The following PARD6G variants were observed in gnomAD, a reference collection of about 807,000 sequenced individuals.
PARD6G encodes par-6 family cell polarity regulator gamma.
PARD6G carries 7 observed loss-of-function variants against 10.7 expected under a neutral mutation model. That is an observed-to-expected ratio of 0.66 (90% CI 0.37 to 1.23). The LOEUF is 1.23. PARD6G is among the 50% of genes most tolerant of loss of function. The pLI is 0.02. For missense variants in PARD6G, 548 were observed against 571.8 expected, an observed-to-expected ratio of 0.96 and a Z score of 0.42; for synonymous variants, 287 against 269.4, an observed-to-expected ratio of 1.07 and a Z score of -0.64.
At chr18:80,185,875 C>T (rs1215678209) in intron 2 of PARD6G, among the ~76,000 whole-genome samples, 2 of 149,090 alleles carry the variant, frequency 1.3e-5, no homozygotes, top group East Asian at 2.0e-4. Flanking sequence ...CATATACTGT[C>T]ACATATGCTT....
chr18:80,243,370 G>A (rs1967509860), intron 1 of PARD6G, among the ~76,000 whole-genome samples: 1 of 152,260 alleles, frequency 6.6e-6, no homozygotes, highest in East Asian at 1.9e-4. Context: ...CCCAAATTCT[G>A]TAACACAAGA....
intron 1 of PARD6G, among the ~76,000 whole-genome samples, chr18:80,243,016 TA>T (rs1179845226): frequency 4.6e-5 from 7 of 152,172 alleles, no homozygotes; most frequent in African/African-American, 1.4e-4. Flanking sequence ...TCAAAGCCTG[TA>T]AAAGTACGTG....
At chr18:80,216,524 A>T (rs1308260612) in intron 1 of PARD6G, among the ~76,000 whole-genome samples, 1 of 152,158 alleles carries the variant, frequency 6.6e-6, no homozygotes, top group Non-Finnish European at 1.5e-5. Context: ...TAACCTATGG[A>T]ATTAAAAAGA....
At chr18:80,243,399 C>A (rs1519619) in intron 1 of PARD6G, among the ~76,000 whole-genome samples, 25,489 of 152,102 alleles carry the variant, frequency 0.17, 2,718 homozygotes, top group East Asian at 0.41. Context: ...ATCATACAGG[C>A]ACACAAAAGA....
rs1189166556 is a variant in PARD6G, at chr18:80,201,442, C to T, written c.295+1268G>A. 6.6e-6 allele frequency among the ~76,000 whole-genome samples: 1 copy of T among 152,162 alleles called. No individual in the cohort carries two copies. On this transcript the variant is annotated intron_variant, in intron 2 of 2. Coordinates refer to ENST00000353265, the MANE Select transcript of PARD6G (RefSeq NM_032510.4). This position sits in a 1 kb window ranked among gnomAD's most constrained non-coding sequence, Gnocchi z 5.9. ...TGCAGAGACAGCGAGGGTCCTTGCC[C>T]CCAGCAACCCCGAAGGACTGATGTG...
Position 80,247,285 on chromosome 18 carries a change from T to C in PARD6G, c.64A>G (p.Lys22Glu). The C allele has an allele frequency of 6.3e-7, 1 of 1,579,038 alleles. No homozygotes were observed. Among genetic ancestry groups the C allele is most frequent in the Admixed American group, 1.8e-5 (1 of 56,170 alleles). Residue 22 changes from lysine (K) to glutamate (E), a missense_variant, in exon 1 of 3, where the codon AAG (lysine) becomes GAG (glutamate). Physicochemically the swap from Lys to Glu is moderately conservative, Grantham distance 56. Transcript: ENST00000353265. The surrounding 1 kb of genome is among the most constrained non-coding windows in gnomAD (Gnocchi z 4.2). ...GCGGGCGGGGGGCTTACCTTGCTCT[T>C]GACTTCCACTGCGCTGCAATCGTAG... ...RFYDCSAVEV[K>E]SKFGAEFRRF...
In PARD6G at chr18:80,181,552, G is replaced by A. The variant is rs1167817549; in HGVS notation, c.296-20946C>T. On this transcript the variant is annotated intron_variant, in intron 2 of 2. Coordinates refer to ENST00000353265, the MANE Select transcript of PARD6G (RefSeq NM_032510.4). The surrounding 1 kb of genome is among the most constrained non-coding windows in gnomAD (Gnocchi z 7.9). Reference sequence around the variant, plus strand: ...CCTACATCTCTGCTTCCAAAGTCCGGTAGGTGTGCCCTTCCCCTAAACTCA... The same window carrying A: ...CCTACATCTCTGCTTCCAAAGTCCGATAGGTGTGCCCTTCCCCTAAACTCA... Among the ~76,000 whole-genome samples the A allele has an allele frequency of 6.6e-6, 1 of 152,126 alleles. No homozygotes were observed. Among genetic ancestry groups the A allele is most frequent in the Non-Finnish European group, 1.5e-5 (1 of 68,022 alleles).
At chr18:80,208,184 T>G (rs971714164) in intron 1 of PARD6G, among the ~76,000 whole-genome samples, 1 of 152,210 alleles carries the variant, frequency 6.6e-6, no homozygotes, top group East Asian at 1.9e-4. Flanking sequence ...ACCAAAAACT[T>G]TATTTGTAAT....
At chr18:80,221,004 C>T (rs145436251) in intron 1 of PARD6G, among the ~76,000 whole-genome samples, 79 of 152,080 alleles carry the variant, frequency 5.2e-4, no homozygotes, top group Non-Finnish European at 9.6e-4. Flanking sequence ...ACACAAACTA[C>T]CAAAACTGAC....
At position 80,159,733 on chromosome 18, in the gene PARD6G, G is replaced by A. The variant is rs904205215; in HGVS notation, c.*38C>T. 19 of 1,360,434 alleles carry A rather than the reference G, an allele frequency of 1.4e-5. No individual in the cohort carries two copies. In the Admixed American group the frequency reaches 2.4e-4, roughly 17 times the overall value. 84.3% of individuals were successfully genotyped at this position (1,360,434 alleles called of 1,614,324 possible). A position where few individuals can be genotyped will look rare whatever the true frequency, so the allele number is the denominator to read the frequency against. On this transcript the variant is annotated 3_prime_UTR_variant, in exon 3 of 3. Coordinates refer to ENST00000353265, the MANE Select transcript of PARD6G (RefSeq NM_032510.4). ...TGCAGGTCCTGTCCCTGTCCTTACCGGGGAACTGGAGCTAGGATTTGGGGG... is the reference window on the plus strand; with the variant it reads ...TGCAGGTCCTGTCCCTGTCCTTACCAGGGAACTGGAGCTAGGATTTGGGGG...
At chr18:80,243,591 C>T (rs1418593633) in intron 1 of PARD6G, among the ~76,000 whole-genome samples, 1 of 152,072 alleles carries the variant, frequency 6.6e-6, no homozygotes, top group Admixed American at 6.5e-5. Context: ...GGATGAAAAC[C>T]TTCTCCCTCA....
rs539497658 is a variant in PARD6G at position 80,159,488 on chromosome 18, AT to A, written c.*282del. 3.4e-5 allele frequency: 12 copies of A among 357,588 alleles called. No individual in the cohort carries two copies. Among genetic ancestry groups the A allele is most frequent in the African/African-American group, 8.5e-5 (4 of 47,228 alleles). 22.2% of individuals were successfully genotyped at this position (357,588 alleles called of 1,614,324 possible). ...AGTATTTGTAAAAATTTTAAAAAGCATTTTTTTGCACTTGGTCAGATCTTTT... is the reference window on the plus strand; with the variant it reads ...AGTATTTGTAAAAATTTTAAAAAGCATTTTTTGCACTTGGTCAGATCTTTT... On this transcript the variant is annotated 3_prime_UTR_variant, in exon 3 of 3. Transcript: ENST00000353265.
In PARD6G at chr18:80,188,664, A is replaced by T. The variant is rs1488441963; in HGVS notation, c.295+14046T>A. 6.6e-6 allele frequency among the ~76,000 whole-genome samples: 1 copy of T among 152,216 alleles called. No individual in the cohort carries two copies. Among genetic ancestry groups the T allele is most frequent in the Non-Finnish European group, 1.5e-5 (1 of 68,040 alleles). ...ATGATGAAGGAAAAAGAAAGGAAAC[A>T]TGGGCCCCTAATTTCCCACACAGAT... On this transcript the variant is annotated intron_variant, in intron 2 of 2. Coordinates refer to ENST00000353265, the MANE Select transcript of PARD6G (RefSeq NM_032510.4). This position sits in a 1 kb window ranked among gnomAD's most constrained non-coding sequence, Gnocchi z 5.4.
intron 1 of PARD6G, among the ~76,000 whole-genome samples, chr18:80,241,928 C>T (rs889998837): frequency 1.3e-5 from 2 of 152,226 alleles, no homozygotes; most frequent in African/African-American, 4.8e-5. Flanking sequence ...ACGTGATTCA[C>T]AAACGCCAGA....
chr18:80,245,233 G>A (rs1967531261), intron 1 of PARD6G, among the ~76,000 whole-genome samples: 1 of 152,196 alleles, frequency 6.6e-6, no homozygotes, highest in Admixed American at 6.5e-5. Context: ...ATGTCCTCCA[G>A]ACCTACCCTG....
In PARD6G at chr18:80,202,882, C is replaced by T. The variant is rs1967022053; in HGVS notation, c.123G>A (p.Lys41=). Residue 41 remains lysine, a synonymous_variant, in exon 2 of 3, where the codon AAG becomes AAA. Transcript: ENST00000353265. ...CAACCAGCTTGTAGAAATCTTCAAA[C>T]TTCCCAGGCTTATGACGGTCCAGAG... ...RFSLDRHKPG[K]FEDFYKLVVH... The T allele has an allele frequency of 1.9e-6, 3 of 1,605,548 alleles. No individual in the cohort carries two copies. Among genetic ancestry groups the T allele is most frequent in the African/African-American group, 1.4e-5 (1 of 72,112 alleles).
At chr18:80,169,798 G>C (rs2052762926) in intron 2 of PARD6G, 2 of 152,248 alleles carry the variant, frequency 1.3e-5, no homozygotes, top group Non-Finnish European at 2.9e-5. Flanking sequence ...GTGGCTGCGA[G>C]TCACCCTGCT....
chr18:80,165,939 G>A (rs901166052), intron 2 of PARD6G, among the ~76,000 whole-genome samples: 1 of 152,062 alleles, frequency 6.6e-6, no homozygotes, highest in Non-Finnish European at 1.5e-5. Flanking sequence ...AAAATTAGCT[G>A]GGCGTTGTGG....
chr18:80,236,505 A>C (rs1967424612), intron 1 of PARD6G, among the ~76,000 whole-genome samples: 2 of 152,206 alleles, frequency 1.3e-5, no homozygotes, highest in African/African-American at 4.8e-5. Context: ...TGGCCAGGAC[A>C]ATCAGGCAGG....
Sources: allele counts gnomAD v4.1 joint callset (sites outside exome capture counted in the v4.1 genomes callset), GRCh38; gene constraint gnomAD v4.1.1; non-coding constraint Gnocchi (gnomAD v3.1); transcripts MANE v1.5; gene names NCBI Gene and HGNC (gene_info 2026-07-23, HGNC 2026-07-21).